The following ZBTB7C variants were observed in gnomAD, a reference collection of about 807,000 sequenced individuals.
ZBTB7C encodes the protein zinc finger and BTB domain-containing protein 7C.
ZBTB7C carries 8 observed loss-of-function variants against 25.7 expected under a neutral mutation model. That is an observed-to-expected ratio of 0.31 (90% CI 0.18 to 0.56). ZBTB7C has a LOEUF of 0.56. Ranked by LOEUF, ZBTB7C falls within the 20% of genes least tolerant of loss-of-function variation. The pLI, the probability that ZBTB7C is intolerant of heterozygous loss-of-function variation, is 0.91. For missense variants in ZBTB7C, 824 were observed against 855.2 expected, an observed-to-expected ratio of 0.96 and a Z score of 0.46; for synonymous variants, 394 against 369.0, an observed-to-expected ratio of 1.07 and a Z score of -0.78.
At chr18:48,099,065 G>A (rs930412080) in intron 3 of ZBTB7C, among the ~76,000 whole-genome samples, 2 of 152,154 alleles carry the variant, frequency 1.3e-5, no homozygotes, top group African/African-American at 2.4e-5. Flanking sequence ...AGTTGACATG[G>A]GTTGATTCTC....
intron 2 of ZBTB7C, among the ~76,000 whole-genome samples, chr18:48,336,477 G>A (rs959434391): frequency 6.6e-6 from 1 of 152,200 alleles, no homozygotes; most frequent in Non-Finnish European, 1.5e-5. Context: ...TATCGTCCCT[G>A]TTTTTGAAGA....
At chr18:48,329,265 C>A (rs1175606117) in intron 2 of ZBTB7C, among the ~76,000 whole-genome samples, 1 of 152,166 alleles carries the variant, frequency 6.6e-6, no homozygotes, top group Non-Finnish European at 1.5e-5. Context: ...TCCATTTGAC[C>A]ACCACTTTAC....
At chr18:48,213,657 T>G (rs999115457) in intron 2 of ZBTB7C, among the ~76,000 whole-genome samples, 27 of 152,208 alleles carry the variant, frequency 1.8e-4, no homozygotes, top group African/African-American at 6.3e-4. Flanking sequence ...TAAAGAGGAC[T>G]GGGCACAGAC....
intron 2 of ZBTB7C, among the ~76,000 whole-genome samples, chr18:48,197,809 C>T (rs1358148814): frequency 6.6e-6 from 1 of 152,170 alleles, no homozygotes; most frequent in Non-Finnish European, 1.5e-5. Context: ...ACTCCAAATA[C>T]AGCCATATTG....
intron 3 of ZBTB7C, among the ~76,000 whole-genome samples, chr18:48,168,541 A>G (rs1169395067): frequency 6.6e-6 from 1 of 152,228 alleles, no homozygotes; most frequent in African/African-American, 2.4e-5. Context: ...TGAAATATAA[A>G]TGTCCACTAA....
intron 1 of ZBTB7C, among the ~76,000 whole-genome samples, chr18:48,352,238 C>A (rs377620089): frequency 1.9e-4 from 29 of 152,312 alleles, no homozygotes; most frequent in African/African-American, 6.7e-4. Flanking sequence ...TGGATGCCCA[C>A]TAAGCTCTTG....
intron 3 of ZBTB7C, among the ~76,000 whole-genome samples, chr18:48,117,823 C>T (rs1009896712): frequency 4.6e-5 from 7 of 152,044 alleles, no homozygotes; most frequent in Admixed American, 3.3e-4. Context: ...ATTTCTATTC[C>T]TTCCAGAAGA....
intron 2 of ZBTB7C, among the ~76,000 whole-genome samples, chr18:48,302,004 A>G (rs1656904911): frequency 6.6e-6 from 1 of 152,102 alleles, no homozygotes; most frequent in Non-Finnish European, 1.5e-5. Flanking sequence ...AAGATGGGTA[A>G]CAACTGCCAC....
intron 3 of ZBTB7C, among the ~76,000 whole-genome samples, chr18:48,146,205 A>G (rs2040494026): frequency 6.6e-6 from 1 of 152,230 alleles, no homozygotes; most frequent in Non-Finnish European, 1.5e-5. Flanking sequence ...GAACATGTGT[A>G]TTAATTTAAG....
intron 1 of ZBTB7C, among the ~76,000 whole-genome samples, chr18:48,406,382 A>C (rs893992415): frequency 6.6e-6 from 1 of 152,164 alleles, no homozygotes; most frequent in African/African-American, 2.4e-5. Flanking sequence ...TGGTCAGCCC[A>C]GGAAGCCCAA....
At chr18:48,300,067 T>C (rs1477154873) in intron 2 of ZBTB7C, among the ~76,000 whole-genome samples, 1 of 152,190 alleles carries the variant, frequency 6.6e-6, no homozygotes, top group East Asian at 1.9e-4. Flanking sequence ...TTTCTGCTGT[T>C]ACTGCATTGA....
At chr18:48,134,468 C>G (rs2040085890) in intron 3 of ZBTB7C, among the ~76,000 whole-genome samples, 1 of 151,946 alleles carries the variant, frequency 6.6e-6, no homozygotes. Context: ...GATGAAGGGT[C>G]TTTCAGTTGA....
chr18:48,398,394 C>T (rs972603885), intron 1 of ZBTB7C, among the ~76,000 whole-genome samples: 1 of 152,208 alleles, frequency 6.6e-6, no homozygotes, highest in Non-Finnish European at 1.5e-5. Flanking sequence ...GAGGACCCTG[C>T]ATATGGGCAG....
chr18:48,219,140 TTC>T (rs892051285), intron 2 of ZBTB7C, among the ~76,000 whole-genome samples: 66 of 152,270 alleles, frequency 4.3e-4, no homozygotes, highest in African/African-American at 1.5e-3. Context: ...GCCTCCTGTT[TTC>T]TCTGTCTTAT....
rs187200613 is a variant in ZBTB7C at position 48,125,727 on chromosome 18, C to T, written c.-17+60207G>A. On this transcript the variant is annotated intron_variant, in intron 3 of 4. Coordinates refer to ENST00000590800, the MANE Select transcript of ZBTB7C (RefSeq NM_001318841.2). ...AGGGCTTCTGATGTCCTAACATTGT[C>T]TGCCTTGCCCCTCATTAGGTGGCTC... is the stretch of plus-strand genomic sequence containing the variant. Among the ~76,000 whole-genome samples, 14 of 152,336 alleles carry T rather than the reference C, an allele frequency of 9.2e-5. No individual in the cohort carries two copies. In the East Asian group the frequency reaches 2.7e-3, roughly 29 times the overall value.
intron 3 of ZBTB7C, among the ~76,000 whole-genome samples, chr18:48,154,340 G>A (rs1343040797): frequency 6.6e-6 from 1 of 152,204 alleles, no homozygotes; most frequent in East Asian, 1.9e-4. Context: ...AGCGGGGGAG[G>A]AGTGCTCTGC....
At position 48,213,371 on chromosome 18, in the gene ZBTB7C, C is replaced by T. The variant is rs77354843; in HGVS notation, c.-78-27376G>A. On this transcript the variant is annotated intron_variant, in intron 2 of 4. Transcript: ENST00000590800. Reference sequence around the variant, plus strand: ...TGCAGAAGAACCTTTAGTGATGGCCCCAGTCACTCTTGAGCTGATGTTTTC... The same window carrying T: ...TGCAGAAGAACCTTTAGTGATGGCCTCAGTCACTCTTGAGCTGATGTTTTC... Among the ~76,000 whole-genome samples, 16 of 152,306 alleles carry T rather than the reference C, an allele frequency of 1.1e-4. 1 individual carries two copies. The East Asian group carries it at 3.1e-3, about 29-fold the overall frequency.
At chr18:48,323,133 A>G (rs937720538) in intron 2 of ZBTB7C, among the ~76,000 whole-genome samples, 1 of 152,166 alleles carries the variant, frequency 6.6e-6, no homozygotes, top group East Asian at 1.9e-4. Context: ...ACAAATCACC[A>G]CTAAGGAACA....
At chr18:48,136,738 G>C (rs927128778) in intron 3 of ZBTB7C, among the ~76,000 whole-genome samples, 11 of 152,114 alleles carry the variant, frequency 7.2e-5, no homozygotes, top group Non-Finnish European at 1.3e-4. Flanking sequence ...CTCCTATTTC[G>C]GAAGAGGTGC....
Sources: allele counts gnomAD v4.1 joint callset (sites outside exome capture counted in the v4.1 genomes callset), GRCh38; gene constraint gnomAD v4.1.1; transcripts MANE v1.5; gene names NCBI Gene and HGNC (gene_info 2026-07-23, HGNC 2026-07-21).